FRMD6: variants seen among roughly 807,000 people sequenced by gnomAD.
The protein encoded by FRMD6 is FERM domain containing 6.
FRMD6 carries 37 observed loss-of-function variants against 73.2 expected under a neutral mutation model. The observed-to-expected ratio is 0.51, with a 90% CI of 0.39 to 0.66. The LOEUF (loss-of-function observed/expected upper bound fraction) is 0.66, where lower values mean the gene tolerates loss of function less well. Among genes scored for constraint, FRMD6 ranks in the 30% least tolerant of loss-of-function variants. The pLI is 0.00. For missense variants in FRMD6, 714 were observed against 780.5 expected (o/e 0.91, Z 1.02); for synonymous variants, 273 against 282.2 (o/e 0.97, Z 0.33).
chr14:51,705,433 T>G (rs117342898), intron 6 of FRMD6, among the ~76,000 whole-genome samples: 3,575 of 152,182 alleles, frequency 0.023, 75 homozygotes, highest in Non-Finnish European at 0.032. Context: ...CAGCTGCGCT[T>G]TCTCCACTCC....
rs1886454475 is a variant in FRMD6 at position 51,546,177 on chromosome 14, A to G, written c.-209-24171A>G. On this transcript the variant is annotated intron_variant, in intron 1 of 14. Transcript: ENST00000356218. ...ATTATCTTAGGCCAAAAAGGGAATT[A>G]TTGGTTCTTGTAAATCTCAAAGGTA... Among the ~76,000 whole-genome samples, 3 of 152,278 alleles carry G rather than the reference A, an allele frequency of 2.0e-5. No homozygotes were observed. The South Asian group carries it at 6.2e-4, about 32-fold the overall frequency.
At chr14:51,474,322 A>G in the FRMD6 span, among the ~76,000 whole-genome samples, 1 of 152,240 alleles carries the variant, frequency 6.6e-6, no homozygotes, top group Non-Finnish European at 1.5e-5. Context: ...AAAGCAGTTA[A>G]ACACTACATC....
chr14:51,474,018 A>G, the FRMD6 span, among the ~76,000 whole-genome samples: 1 of 152,048 alleles, frequency 6.6e-6, no homozygotes, highest in Non-Finnish European at 1.5e-5. Context: ...ACCCTACGAA[A>G]TCTATTTGTT....
intron 2 of FRMD6, among the ~76,000 whole-genome samples, chr14:51,622,951 G>A (rs1890979564): frequency 6.6e-6 from 1 of 152,080 alleles, no homozygotes; most frequent in Non-Finnish European, 1.5e-5. Context: ...AAGATTTTTT[G>A]TAGAGATGGG....
chr14:51,508,811 G>A (rs1486995323), intron 1 of FRMD6, among the ~76,000 whole-genome samples: 2 of 152,244 alleles, frequency 1.3e-5, no homozygotes, highest in Middle Eastern at 3.4e-3. Context: ...AAGCTAATTT[G>A]ATGTTCTCTG....
At chr14:51,514,295 A>C (rs575235252) in intron 1 of FRMD6, among the ~76,000 whole-genome samples, 93 of 152,182 alleles carry the variant, frequency 6.1e-4, no homozygotes, top group Non-Finnish European at 1.1e-3. Flanking sequence ...ATAAAATGTT[A>C]ATGAAAACAA....
At chr14:51,500,284 T>A (rs1243089708) in intron 1 of FRMD6, among the ~76,000 whole-genome samples, 1 of 152,072 alleles carries the variant, frequency 6.6e-6, no homozygotes, top group Non-Finnish European at 1.5e-5. Context: ...ATTCCAGCAC[T>A]TTGAGGGTCC....
intron 2 of FRMD6, among the ~76,000 whole-genome samples, chr14:51,644,432 T>A (rs1891970435): frequency 6.6e-6 from 1 of 151,452 alleles, no homozygotes; most frequent in South Asian, 2.1e-4. Context: ...GATCTCTACG[T>A]GTAATTTATG....
intron 1 of FRMD6, among the ~76,000 whole-genome samples, chr14:51,570,039 T>A (rs1301687607): frequency 1.3e-5 from 2 of 151,952 alleles, no homozygotes; most frequent in African/African-American, 4.8e-5. Flanking sequence ...ATGGTCTCGA[T>A]CTCCTGACCT....
At chr14:51,547,963 A>T (rs1191364890) in intron 1 of FRMD6, 1 of 152,152 alleles carries the variant, frequency 6.6e-6, no homozygotes, top group Non-Finnish European at 1.5e-5. Context: ...TATAAACAGT[A>T]TCATATAACA....
At chr14:51,589,653 A>T (rs1889262712) in intron 2 of FRMD6, among the ~76,000 whole-genome samples, 1 of 151,898 alleles carries the variant, frequency 6.6e-6, no homozygotes, top group Admixed American at 6.6e-5. Context: ...AATTGGGGAC[A>T]GGAAGTAGCT....
At chr14:51,552,020 T>C (rs1201055318) in intron 1 of FRMD6, among the ~76,000 whole-genome samples, 3 of 152,180 alleles carry the variant, frequency 2.0e-5, no homozygotes, top group Non-Finnish European at 1.5e-5. Flanking sequence ...AACAAATCAA[T>C]GCCTAGAACA....
chr14:51,517,399 C>G (rs1884692186), intron 1 of FRMD6, among the ~76,000 whole-genome samples: 1 of 152,132 alleles, frequency 6.6e-6, no homozygotes, highest in Admixed American at 6.5e-5. Context: ...CCACTTGTCA[C>G]ATAGATATAA....
chr14:51,516,528 G>A (rs1482395174), intron 1 of FRMD6, among the ~76,000 whole-genome samples: 1 of 152,174 alleles, frequency 6.6e-6, no homozygotes, highest in Non-Finnish European at 1.5e-5. Flanking sequence ...GTGCACATGT[G>A]TGTATCTTTC....
chr14:51,704,972 C>T (rs372581825), intron 6 of FRMD6, 37 bp downstream of exon 6: 55 of 1,564,888 alleles, frequency 3.5e-5, no homozygotes, highest in Non-Finnish European at 4.3e-5. Flanking sequence ...AGTGTTTTCT[C>T]TCGGGCATTT....
chr14:51,710,894 T>C (rs974484162), intron 7 of FRMD6, among the ~76,000 whole-genome samples: 3 of 152,204 alleles, frequency 2.0e-5, no homozygotes, highest in African/African-American at 7.2e-5. Flanking sequence ...TTCTACAGTT[T>C]ATGGTTTAGC....
chr14:51,471,876 A>G, the FRMD6 span, among the ~76,000 whole-genome samples: 1 of 152,222 alleles, frequency 6.6e-6, no homozygotes, highest in African/African-American at 2.4e-5. Context: ...TGATATAAGA[A>G]TATTTTCCCA....
chr14:51,454,976 G>T, the FRMD6 span, among the ~76,000 whole-genome samples: 2 of 152,106 alleles, frequency 1.3e-5, 1 homozygote, highest in South Asian at 4.1e-4. Flanking sequence ...AAAGAATCAG[G>T]AGTTTTAAAA....
chr14:51,436,572 A>G, the FRMD6 span: 26 of 640,064 alleles, frequency 4.1e-5, no homozygotes, highest in Non-Finnish European at 6.7e-5. Context: ...AAAGGATTTG[A>G]CAAAACATTC....
Sources: allele counts gnomAD v4.1 joint callset (sites outside exome capture counted in the v4.1 genomes callset), GRCh38; gene constraint gnomAD v4.1.1; transcripts MANE v1.5; gene names NCBI Gene and HGNC (gene_info 2026-07-23, HGNC 2026-07-21).